The following TSTD2 variants were observed in gnomAD, a reference collection of about 807,000 sequenced individuals.
TSTD2 encodes thiosulfate sulfurtransferase like domain containing 2, also known as thiosulfate sulfurtransferase/rhodanese-like domain-containing protein 2.
TSTD2 carries 37 observed loss-of-function variants against 47.9 expected under a neutral mutation model. That is an observed-to-expected ratio of 0.77 (90% CI 0.59 to 1.02). The LOEUF (loss-of-function observed/expected upper bound fraction) is 1.02. Ranked by LOEUF, TSTD2 falls within the 50% of genes least tolerant of loss-of-function variation. The pLI, the probability that TSTD2 is intolerant of heterozygous loss-of-function variation, is 0.00. For missense variants in TSTD2, 586 were observed against 616.0 expected (o/e 0.95, Z 0.52); for synonymous variants, 201 against 215.9 (o/e 0.93, Z 0.61).
chr9:97,600,401 GTTCT>G lies in TSTD2; in HGVS notation c.*2064_*2067del, dbSNP rs1376015851. On this transcript the variant is annotated 3_prime_UTR_variant, in exon 10 of 10. Coordinates refer to ENST00000341170, the MANE Select transcript of TSTD2 (RefSeq NM_139246.5). The stretch of plus-strand genomic sequence containing the variant: ...CCAGGCAACAAACATGTCCCTGAGT[GTTCT>G]TTAAGAACATTTGGGATTTATGTAC... 2 of 985,850 alleles carry G rather than the reference GTTCT, an allele frequency of 2.0e-6. No homozygotes were observed. Among genetic ancestry groups the G allele is most frequent in the Non-Finnish European group, 2.4e-6 (2 of 830,140 alleles). The allele number at this position is 985,850 out of a possible 1,614,324, so 61.1% of individuals were successfully genotyped here.
chr9:97,631,841 C>G (rs1370770753), intron 1 of TSTD2, among the ~76,000 whole-genome samples: 1 of 137,796 alleles, frequency 7.3e-6, no homozygotes, highest in Admixed American at 7.2e-5. Flanking sequence ...GAGACCCTGT[C>G]TCAAAAAAAA....
chr9:97,601,690 A>G lies in TSTD2; in HGVS notation c.*779T>C. ...CAACTATTCAACTCTGCCATAGATC[A>G]TGTGTAAAGGAATGGGTGTGGCTGT... On this transcript the variant is annotated 3_prime_UTR_variant, in exon 10 of 10. Coordinates refer to ENST00000341170, the MANE Select transcript of TSTD2 (RefSeq NM_139246.5). 1 of 558,358 alleles carries G rather than the reference A, an allele frequency of 1.8e-6. No individual in the cohort carries two copies. The highest frequency in any genetic ancestry group is 2.3e-6 in the Non-Finnish European group (1 of 439,024). 34.6% of individuals were successfully genotyped at this position (558,358 alleles called of 1,614,324 possible).
intron 4 of TSTD2, among the ~76,000 whole-genome samples, chr9:97,615,648 G>A (rs547099581): frequency 6.6e-6 from 1 of 152,272 alleles, no homozygotes; most frequent in South Asian, 2.1e-4. Context: ...TTGACACCTA[G>A]GAATTTATAT....
At chr9:97,613,126 T>C (rs1320178556) in intron 4 of TSTD2, among the ~76,000 whole-genome samples, 1 of 152,238 alleles carries the variant, frequency 6.6e-6, no homozygotes, top group East Asian at 1.9e-4. Context: ...AATTGACTTC[T>C]CTGAATCTTA....
At chr9:97,625,609 G>T in intron 3 of TSTD2, 72 bp downstream of exon 3, 1 of 1,422,620 alleles carries the variant, frequency 7.0e-7, no homozygotes. Flanking sequence ...ATTTTAATGG[G>T]TGAATTGTAG....
At chr9:97,614,373 C>T (rs375989461) in intron 4 of TSTD2, among the ~76,000 whole-genome samples, 1 of 143,776 alleles carries the variant, frequency 7.0e-6, no homozygotes, top group South Asian at 2.1e-4. Flanking sequence ...ACATGCACTT[C>T]TGGTTTTGTC....
At position 97,604,935 on chromosome 9, in the gene TSTD2, G is replaced by T; in HGVS notation, c.1114-70C>A. The stretch of plus-strand genomic sequence containing the variant: ...CCTGTTAAGATGCTCACGGAAGAAC[G>T]GCGCATGGCGAGGAGTGCTGACGTA... On this transcript the variant is annotated intron_variant, in intron 8 of 9. Coordinates refer to ENST00000341170, the MANE Select transcript of TSTD2 (RefSeq NM_139246.5). 8 of 1,581,248 alleles carry T rather than the reference G, an allele frequency of 5.1e-6. No homozygotes were observed. In the South Asian group the frequency reaches 7.0e-5, roughly 14 times the overall value.
chr9:97,617,990 G>A, intron 3 of TSTD2, 113 bp from the exon 4 acceptor site: 1 of 1,348,934 alleles, frequency 7.4e-7, no homozygotes, highest in Admixed American at 2.7e-5. Flanking sequence ...GGACACTCAT[G>A]CCTGTCTTTG....
At chr9:97,631,455 C>CT (rs1326292667) in intron 1 of TSTD2, among the ~76,000 whole-genome samples, 1 of 152,108 alleles carries the variant, frequency 6.6e-6, no homozygotes, top group East Asian at 1.9e-4. Flanking sequence ...AATCAGATCA[C>CT]TTTGCACCAC....
intron 3 of TSTD2, among the ~76,000 whole-genome samples, chr9:97,620,117 C>A (rs1826606194): frequency 6.6e-6 from 1 of 152,162 alleles, no homozygotes; most frequent in Non-Finnish European, 1.5e-5. Context: ...TCTCACAATT[C>A]CCACGTGTCA....
At chr9:97,602,907 C>T (rs1470480205) in intron 9 of TSTD2, 140 bp from the exon 10 acceptor site, 1 of 820,072 alleles carries the variant, frequency 1.2e-6, no homozygotes, top group East Asian at 2.9e-5. Flanking sequence ...CTTCTGTCTT[C>T]TAGCAACAAC....
rs749693165 is a variant in TSTD2, at chr9:97,627,609, C to A, written c.-47G>T. On this transcript the variant is annotated 5_prime_UTR_variant, in exon 2 of 10. Transcript: ENST00000341170. ...AGCAGATATTCCTTTCAGTTAAATA[C>A]CTCCTAGAATATAAATAAGAAAGAA... 5 of 1,487,384 alleles carry A rather than the reference C, an allele frequency of 3.4e-6. No individual in the cohort carries two copies. The highest frequency in any genetic ancestry group is 9.0e-7 in the Non-Finnish European group (1 of 1,105,644). The allele number at this position is 1,487,384 out of a possible 1,614,324, so 92.1% of individuals were successfully genotyped here.
intron 9 of TSTD2, 45 bp from the exon 10 acceptor site, chr9:97,602,812 A>G (rs1486084008): frequency 5.9e-6 from 9 of 1,534,952 alleles, no homozygotes; most frequent in East Asian, 2.3e-5. Flanking sequence ...ATACATTCAC[A>G]CACACGTGGA....
At chr9:97,618,000 G>A in intron 3 of TSTD2, 123 bp from the exon 4 acceptor site, 1 of 1,302,154 alleles carries the variant, frequency 7.7e-7, no homozygotes. Context: ...GCCTGTCTTT[G>A]CTGTGATGAT....
In TSTD2 at chr9:97,602,312, T is replaced by C; in HGVS notation, c.*157A>G. On this transcript the variant is annotated 3_prime_UTR_variant, in exon 10 of 10. Coordinates refer to ENST00000341170, the MANE Select transcript of TSTD2 (RefSeq NM_139246.5). ...GGTAAGTGGTAGACAACGTGACTCC[T>C]CCCCTCCCGCTGTGAAGTGTAGACG... is the stretch of plus-strand genomic sequence containing the variant. 1.2e-6 allele frequency: 1 copy of C among 828,368 alleles called. No homozygotes were observed. The allele number at this position is 828,368 out of a possible 1,614,324, so 51.3% of individuals were successfully genotyped here. A position where few individuals can be genotyped will look rare whatever the true frequency, so the allele number is the denominator to read the frequency against.
chr9:97,630,227 T>C (rs1446493234), intron 1 of TSTD2, among the ~76,000 whole-genome samples: 1 of 152,228 alleles, frequency 6.6e-6, no homozygotes, highest in African/African-American at 2.4e-5. Flanking sequence ...TGTTCTTTCC[T>C]GACTCAAGGT....
In TSTD2 at chr9:97,600,086, T is replaced by C. The variant is rs570536535; in HGVS notation, c.*2383A>G. Reference sequence around the variant, plus strand: ...AACGGCACACTCTTCCACATGCTTTTGAAGTATTATAAAACACTTTATTAC... The same window carrying C: ...AACGGCACACTCTTCCACATGCTTTCGAAGTATTATAAAACACTTTATTAC... On this transcript the variant is annotated 3_prime_UTR_variant, in exon 10 of 10. Coordinates refer to ENST00000341170, the MANE Select transcript of TSTD2 (RefSeq NM_139246.5). 188 of 1,026,218 alleles carry C rather than the reference T, an allele frequency of 1.8e-4. No homozygotes were observed. The African/African-American group carries it at 3.0e-3, about 17-fold the overall frequency. 63.6% of individuals were successfully genotyped at this position (1,026,218 alleles called of 1,614,324 possible).
intron 3 of TSTD2, among the ~76,000 whole-genome samples, chr9:97,622,643 G>A (rs1028214866): frequency 1.2e-4 from 19 of 152,254 alleles, no homozygotes; most frequent in African/African-American, 4.6e-4. Context: ...TCAGGAGGGA[G>A]GCTATACCCG....
Position 97,600,331 on chromosome 9 carries a change from A to G in TSTD2, c.*2138T>C, listed in dbSNP as rs1353445397. ...TGCAGAAATGATAGGAAAAAAACCAATGGTGAAATTTCAAGTTTCAAAAAC... is the reference window on the plus strand; with the variant it reads ...TGCAGAAATGATAGGAAAAAAACCAGTGGTGAAATTTCAAGTTTCAAAAAC... On this transcript the variant is annotated 3_prime_UTR_variant, in exon 10 of 10. Transcript: ENST00000341170. 2.0e-6 allele frequency: 2 copies of G among 985,964 alleles called. No individual in the cohort carries two copies. The highest frequency in any genetic ancestry group is 2.4e-6 in the Non-Finnish European group (2 of 830,154). 61.1% of individuals were successfully genotyped at this position (985,964 alleles called of 1,614,324 possible). A position where few individuals can be genotyped will look rare whatever the true frequency, so the allele number is the denominator to read the frequency against.
Sources: gnomAD v4.1 joint callset for allele counts (sites outside exome capture counted in the v4.1 genomes callset) on GRCh38, gnomAD v4.1.1 for gene constraint, MANE v1.5 for transcripts, NCBI Gene and HGNC (gene_info 2026-07-23, HGNC 2026-07-21) for gene names.